The following HDAC9 variants were observed in gnomAD, a reference collection of about 807,000 sequenced individuals.
The protein encoded by HDAC9 is histone deacetylase 9.
In HDAC9, 41 loss-of-function variants were observed where a neutral mutation model predicts 139.4. The ratio of observed to expected loss-of-function variants is 0.29; its 90% CI spans 0.23 to 0.38. The LOEUF (loss-of-function observed/expected upper bound fraction) is 0.38, where lower values mean the gene tolerates loss of function less well. HDAC9 is among the 10% of genes least tolerant of loss of function. HDAC9 has a pLI of 1.00. For missense variants in HDAC9, 1,147 were observed against 1,297.0 expected, an observed-to-expected ratio of 0.88 and a Z score of 1.78; for synonymous variants, 517 against 476.2, an observed-to-expected ratio of 1.09 and a Z score of -1.12.
At chr7:18,833,607 C>A (rs1352571512) in intron 19 of HDAC9, among the ~76,000 whole-genome samples, 1 of 152,074 alleles carries the variant, frequency 6.6e-6, no homozygotes, top group African/African-American at 2.4e-5. Context: ...TTTTTTGTCT[C>A]CTCCTTCCTT....
intron 11 of HDAC9, among the ~76,000 whole-genome samples, chr7:18,655,495 A>G (rs1030812090): frequency 6.6e-6 from 1 of 152,194 alleles, no homozygotes; most frequent in Non-Finnish European, 1.5e-5. Flanking sequence ...AAAAAAATCC[A>G]CTTATAGAAT....
intron 22 of HDAC9, among the ~76,000 whole-genome samples, chr7:18,889,151 G>T (rs1172735046): frequency 2.6e-5 from 4 of 152,054 alleles, no homozygotes; most frequent in African/African-American, 9.7e-5. Flanking sequence ...CTGCAGCCTG[G>T]AAAATCTTTC....
intron 21 of HDAC9, among the ~76,000 whole-genome samples, chr7:18,857,142 T>A (rs1797741179): frequency 6.6e-6 from 1 of 152,186 alleles, no homozygotes; most frequent in African/African-American, 2.4e-5. Context: ...GACTAAAACA[T>A]GCTTTTCCTT....
At chr7:18,766,648 G>A (rs1021690616) in intron 15 of HDAC9, among the ~76,000 whole-genome samples, 1 of 152,156 alleles carries the variant, frequency 6.6e-6, no homozygotes, top group African/African-American at 2.4e-5. Context: ...GTACATTTGA[G>A]AAGATATGTT....
At chr7:18,455,694 A>G (rs931839980) in intron 1 of HDAC9, among the ~76,000 whole-genome samples, 2 of 152,204 alleles carry the variant, frequency 1.3e-5, no homozygotes, top group African/African-American at 4.8e-5. Context: ...TAATTACACC[A>G]ATAGATTCAC....
intron 1 of HDAC9, among the ~76,000 whole-genome samples, chr7:18,136,908 T>C (rs2128106298): frequency 6.6e-6 from 1 of 152,016 alleles, no homozygotes; most frequent in Admixed American, 6.6e-5. Flanking sequence ...ATGGCCATTT[T>C]CACGATATTG....
intron 2 of HDAC9, among the ~76,000 whole-genome samples, chr7:18,556,429 T>TA (rs1423306688): frequency 6.6e-6 from 1 of 152,090 alleles, no homozygotes; most frequent in East Asian, 1.9e-4. Flanking sequence ...AAACAACACC[T>TA]AAAATTGACT....
chr7:18,947,223 G>A (rs1015517559), intron 23 of HDAC9, among the ~76,000 whole-genome samples: 1 of 151,776 alleles, frequency 6.6e-6, no homozygotes, highest in Non-Finnish European at 1.5e-5. Context: ...GAGAATCAAA[G>A]CAGCAAATTA....
chr7:18,836,763 G>C (rs1226039880), intron 21 of HDAC9, among the ~76,000 whole-genome samples: 1 of 152,088 alleles, frequency 6.6e-6, no homozygotes, highest in African/African-American at 2.4e-5. Context: ...TCAGAAGCCA[G>C]TGAGTCTAGT....
chr7:18,404,430 AT>A (rs1787825403), intron 1 of HDAC9, among the ~76,000 whole-genome samples: 1 of 152,196 alleles, frequency 6.6e-6, no homozygotes, highest in Admixed American at 6.5e-5. Context: ...TAGGTTGTAT[AT>A]TGGAGAATTA....
chr7:18,307,604 G>A (rs1021147433), intron 1 of HDAC9, among the ~76,000 whole-genome samples: 1 of 151,936 alleles, frequency 6.6e-6, no homozygotes, highest in African/African-American at 2.4e-5. Flanking sequence ...GGAGTTGTGG[G>A]CCAGGCTGAC....
chr7:18,727,433 T>G (rs745594223), intron 12 of HDAC9, 147 bp from the exon 13 acceptor site: 2 of 662,716 alleles, frequency 3.0e-6, no homozygotes, highest in Non-Finnish European at 4.9e-6. Context: ...GTTTTTTCTC[T>G]CCCTTTCTCT....
chr7:18,539,393 A>G (rs1811984850), intron 2 of HDAC9, among the ~76,000 whole-genome samples: 1 of 152,228 alleles, frequency 6.6e-6, no homozygotes, highest in Admixed American at 6.5e-5. Context: ...AAAGATGGGA[A>G]ACTGTCACAG....
chr7:18,925,982 C>T (rs951138864), intron 22 of HDAC9, among the ~76,000 whole-genome samples: 8 of 152,018 alleles, frequency 5.3e-5, no homozygotes, highest in South Asian at 2.1e-4. Context: ...CTTCTTAAAA[C>T]GATAGAATTG....
chr7:18,820,037 T>C lies in HDAC9; in HGVS notation c.2323-9124T>C, dbSNP rs1204448200. On this transcript the variant is annotated intron_variant, in intron 17 of 25. Coordinates refer to ENST00000686413, the MANE Select transcript of HDAC9 (RefSeq NM_178425.4). Reference sequence around the variant, plus strand: ...TTACTACAACAATCTAAGATGCTCATAAGTTTAAAAAGGTTAAATATGAAT... The same window carrying C: ...TTACTACAACAATCTAAGATGCTCACAAGTTTAAAAAGGTTAAATATGAAT... Among the ~76,000 whole-genome samples, 3 of 152,298 alleles carry C rather than the reference T, an allele frequency of 2.0e-5. 1 individual carries two copies. Among genetic ancestry groups the C allele is most frequent in the Admixed American group, 2.0e-4 (3 of 15,306 alleles).
intron 2 of HDAC9, among the ~76,000 whole-genome samples, chr7:18,507,170 A>ATAT (rs59819356): frequency 0.065 from 9,364 of 144,240 alleles, 337 homozygotes; most frequent in African/African-American, 0.099. Context: ...TATTCATTAC[A>ATAT]TATTATTATT....
At chr7:18,757,026 CA>C (rs1347151748) in intron 14 of HDAC9, among the ~76,000 whole-genome samples, 1 of 151,918 alleles carries the variant, frequency 6.6e-6, no homozygotes, top group Non-Finnish European at 1.5e-5. Flanking sequence ...TTTAAAACTC[CA>C]GTAGTTGTGC....
chr7:18,468,915 T>G (rs771535957), intron 1 of HDAC9, among the ~76,000 whole-genome samples: 5 of 152,290 alleles, frequency 3.3e-5, no homozygotes, highest in Middle Eastern at 6.8e-3. Flanking sequence ...AAAAGATAAA[T>G]CTCTGTATTG....
chr7:18,098,869 C>T (rs1782675384), intron 1 of HDAC9, among the ~76,000 whole-genome samples: 1 of 152,100 alleles, frequency 6.6e-6, no homozygotes, highest in African/African-American at 2.4e-5. Context: ...GAGCTTTTAT[C>T]TTCTTATTGC....
Sources: allele counts gnomAD v4.1 joint callset (sites outside exome capture counted in the v4.1 genomes callset), GRCh38; gene constraint gnomAD v4.1.1; transcripts MANE v1.5; gene names NCBI Gene and HGNC (gene_info 2026-07-23, HGNC 2026-07-21).